Variants in CUX1 observed in about 807,000 individuals in gnomAD.
CUX1 encodes protein CASP.
In CUX1, 31 loss-of-function variants were observed where a neutral mutation model predicts 158.8. That is an observed-to-expected ratio of 0.20 (90% CI 0.15 to 0.26). The LOEUF is 0.26. Among genes scored for constraint, CUX1 ranks in the 10% least tolerant of loss-of-function variants. The pLI, the probability that CUX1 is intolerant of heterozygous loss-of-function variation, is 1.00. For missense variants in CUX1, 1,589 were observed against 2,014.6 expected (o/e 0.79, Z 4.04); for synonymous variants, 879 against 862.1 (o/e 1.02, Z -0.34).
intron 8 of CUX1, among the ~76,000 whole-genome samples, chr7:102,129,183 G>A (rs556913719): frequency 3.3e-5 from 5 of 152,110 alleles, no homozygotes; most frequent in Non-Finnish European, 5.9e-5. Flanking sequence ...ATCATTATCC[G>A]CACTGCAAGA....
intron 17 of CUX1, among the ~76,000 whole-genome samples, chr7:102,200,926 G>A (rs1012736369): frequency 1.3e-5 from 2 of 150,478 alleles, no homozygotes; most frequent in African/African-American, 4.9e-5. Context: ...GGGAGGCTGA[G>A]CTGGGAGGAT....
At chr7:102,273,549 C>T in intron 15 of CUX1, 1 of 1,560,294 alleles carries the variant, frequency 6.4e-7, no homozygotes, top group African/African-American at 1.4e-5. Flanking sequence ...CTGACTTAGC[C>T]TCTGCAAACA....
intron 2 of CUX1, among the ~76,000 whole-genome samples, chr7:101,925,255 T>A (rs1027647754): frequency 2.0e-5 from 3 of 152,170 alleles, no homozygotes; most frequent in Non-Finnish European, 2.9e-5. Context: ...ACTACAGGCA[T>A]GTGCCACTGT....
chr7:102,213,143 C>A (rs1360263914), intron 20 of CUX1, among the ~76,000 whole-genome samples: 2 of 152,218 alleles, frequency 1.3e-5, no homozygotes, highest in African/African-American at 4.8e-5. Context: ...CACACCCAGC[C>A]AGATGTCTGC....
intron 8 of CUX1, among the ~76,000 whole-genome samples, chr7:102,145,946 CAAAAAT>C (rs1834982158): frequency 6.6e-6 from 1 of 151,994 alleles, no homozygotes; most frequent in Non-Finnish European, 1.5e-5. Context: ...GACTCCATCT[CAAAAAT>C]AAATAAATAA....
chr7:102,006,522 G>A (rs951036925), intron 2 of CUX1, among the ~76,000 whole-genome samples: 5 of 151,814 alleles, frequency 3.3e-5, no homozygotes, highest in Admixed American at 1.3e-4. Flanking sequence ...TCAGCCTCCC[G>A]AGTAACTGGG....
intron 1 of CUX1, among the ~76,000 whole-genome samples, chr7:101,905,824 C>T (rs1166519583): frequency 6.6e-6 from 1 of 152,126 alleles, no homozygotes; most frequent in African/African-American, 2.4e-5. Context: ...CAAGCGCTTG[C>T]TTCTCCACGT....
rs1256969495 is a variant in CUX1, at chr7:102,248,655, C to T, written c.4131C>T (p.Pro1377=). 2.1e-5 allele frequency: 28 copies of T among 1,359,506 alleles called. No individual in the cohort carries two copies. The highest frequency in any genetic ancestry group is 9.4e-7 in the Non-Finnish European group (1 of 1,058,476). 84.2% of individuals were successfully genotyped at this position (1,359,506 alleles called of 1,614,324 possible). Residue 1377 remains proline (P), a synonymous_variant, in exon 24 of 24, where the codon CCC becomes CCT. Transcript: ENST00000292535. The surrounding 1 kb of genome is among the most constrained non-coding windows in gnomAD (Gnocchi z 5.8). ...PRPAEQTEPP[P]SGTPGPDDAR... is the part of the protein sequence containing the mutation. ...CGGCGGAGCAGACGGAGCCGCCGCC[C>T]TCGGGGACCCCGGGCCCGGACGACG...
At chr7:101,855,922 G>A (rs1796752051) in intron 1 of CUX1, among the ~76,000 whole-genome samples, 2 of 149,696 alleles carry the variant, frequency 1.3e-5, no homozygotes, top group Non-Finnish European at 3.0e-5. Flanking sequence ...TTTAGCGCCT[G>A]TAATCCCAGC....
rs945844726 is a variant in CUX1, at chr7:102,127,871, G to A, written c.674+12598G>A. 7.9e-5 allele frequency among the ~76,000 whole-genome samples: 12 copies of A among 151,946 alleles called. 1 individual carries two copies. Among genetic ancestry groups the A allele is most frequent in the African/African-American group, 1.2e-4 (5 of 41,402 alleles). ...TTGTTTGTTTTGTTTTGTTTGAGAC[G>A]GAGTCCTGCTCTGTCACCCAGGCTG... On this transcript the variant is annotated intron_variant, in intron 8 of 23. Transcript: ENST00000292535.
chr7:101,998,266 G>A (rs933411538), intron 2 of CUX1, among the ~76,000 whole-genome samples: 21 of 152,074 alleles, frequency 1.4e-4, no homozygotes, highest in Non-Finnish European at 3.1e-4. Flanking sequence ...TGTGCAGCAC[G>A]GATTGTAGGG....
chr7:101,902,345 C>T (rs1479541275), intron 1 of CUX1, among the ~76,000 whole-genome samples: 1 of 152,274 alleles, frequency 6.6e-6, no homozygotes, highest in South Asian at 2.1e-4. Context: ...ACCTGGGGGT[C>T]ATTGGAGGCC....
At chr7:102,099,963 T>A (rs1205968577) in intron 5 of CUX1, among the ~76,000 whole-genome samples, 4 of 151,954 alleles carry the variant, frequency 2.6e-5, no homozygotes, top group Non-Finnish European at 4.4e-5. Context: ...CTTTTCACAA[T>A]GAGTTATAGA....
chr7:102,158,987 C>T (rs1554506212), intron 9 of CUX1, among the ~76,000 whole-genome samples: 1 of 152,004 alleles, frequency 6.6e-6, no homozygotes, highest in Non-Finnish European at 1.5e-5. Flanking sequence ...GTAGACATCT[C>T]ACCACGGTGT....
At chr7:102,057,390 A>G (rs1225918585) in intron 3 of CUX1, among the ~76,000 whole-genome samples, 3 of 152,228 alleles carry the variant, frequency 2.0e-5, no homozygotes, top group African/African-American at 7.2e-5. Context: ...GTAAGGCTAT[A>G]GCTGCCATAG....
intron 4 of CUX1, among the ~76,000 whole-genome samples, chr7:102,087,177 C>A (rs1828034254): frequency 6.6e-6 from 1 of 151,862 alleles, no homozygotes. Context: ...ATTTGTCTTG[C>A]CTGTTTTTTC....
chr7:102,110,815 C>G (rs188253918), intron 6 of CUX1, among the ~76,000 whole-genome samples: 448 of 152,250 alleles, frequency 2.9e-3, no homozygotes, highest in Non-Finnish European at 5.2e-3. Context: ...TCTGTACATG[C>G]AGAAACATTT....
intron 1 of CUX1, among the ~76,000 whole-genome samples, chr7:101,871,211 C>T (rs1349878804): frequency 1.3e-5 from 2 of 152,084 alleles, no homozygotes; most frequent in East Asian, 3.9e-4. Flanking sequence ...CCGGGAATAC[C>T]TGGCTTATCA....
intron 8 of CUX1, among the ~76,000 whole-genome samples, chr7:102,137,430 G>A (rs1335536978): frequency 6.6e-6 from 1 of 152,138 alleles, no homozygotes; most frequent in Non-Finnish European, 1.5e-5. Flanking sequence ...GAGGTCACAA[G>A]TTCAAGACCA....
Sources: allele counts gnomAD v4.1 joint callset (sites outside exome capture counted in the v4.1 genomes callset), GRCh38; gene constraint gnomAD v4.1.1; non-coding constraint Gnocchi (gnomAD v3.1); transcripts MANE v1.5; gene names NCBI Gene and HGNC (gene_info 2026-07-23, HGNC 2026-07-21).